Variants in PLEKHH2 observed in about 807,000 individuals in gnomAD.
The protein encoded by PLEKHH2 is pleckstrin homology domain-containing family H member 2.
PLEKHH2 carries 129 observed loss-of-function variants against 187.9 expected under a neutral mutation model. That is an observed-to-expected ratio of 0.69 (90% confidence interval 0.59 to 0.79). The LOEUF is 0.79. Among genes scored for constraint, PLEKHH2 ranks in the 30% least tolerant of loss-of-function variants. The pLI, the probability that PLEKHH2 is intolerant of heterozygous loss-of-function variation, is 0.00. For missense variants in PLEKHH2, 2,076 were observed against 1,751.2 expected, an observed-to-expected ratio of 1.19 and a Z score of -3.31; for synonymous variants, 686 against 605.6, an observed-to-expected ratio of 1.13 and a Z score of -1.95.
intron 19 of PLEKHH2, among the ~76,000 whole-genome samples, chr2:43,735,722 A>AT (rs1671260699): frequency 6.6e-6 from 1 of 152,190 alleles, no homozygotes; most frequent in Non-Finnish European, 1.5e-5. Context: ...TGTCAATAAC[A>AT]TTTTTTAATG....
chr2:43,676,939 A>C (rs1186773125), intron 2 of PLEKHH2, among the ~76,000 whole-genome samples: 1 of 152,174 alleles, frequency 6.6e-6, no homozygotes, highest in Non-Finnish European at 1.5e-5. Context: ...GTCAAATAGG[A>C]CATTTGAAGC....
chr2:43,764,824 CTG>C (rs1440186791), intron 29 of PLEKHH2, among the ~76,000 whole-genome samples: 12 of 152,160 alleles, frequency 7.9e-5, no homozygotes, highest in African/African-American at 2.9e-4. Flanking sequence ...TTTTAACAAA[CTG>C]TGTAGTTTTA....
chr2:43,720,198 G>A (rs1253604453), intron 15 of PLEKHH2, among the ~76,000 whole-genome samples: 1 of 151,906 alleles, frequency 6.6e-6, no homozygotes, highest in African/African-American at 2.4e-5. Context: ...CATAGTGTTT[G>A]ATGCATAGTA....
chr2:43,723,479 A>G (rs1283207485), intron 16 of PLEKHH2, among the ~76,000 whole-genome samples: 2 of 151,988 alleles, frequency 1.3e-5, no homozygotes, highest in Non-Finnish European at 2.9e-5. Context: ...AGAAGTGAGG[A>G]GGAAGATAAG....
intron 2 of PLEKHH2, chr2:43,675,165 ATATTT>A (rs1474865070): frequency 2.4e-6 from 1 of 414,598 alleles, no homozygotes; most frequent in African/African-American, 2.0e-5. Flanking sequence ...TTTTAATAGT[ATATTT>A]TATTTAATGC....
chr2:43,699,930 G>T lies in PLEKHH2; in HGVS notation c.972G>T (p.Met324Ile). 6.2e-7 allele frequency: 1 copy of T among 1,614,170 alleles called. No individual in the cohort carries two copies. The highest frequency in any genetic ancestry group is 8.5e-7 in the Non-Finnish European group (1 of 1,180,012). The change falls in exon 8 of 30, where the codon ATG (methionine) becomes ATT (isoleucine). Residue 324 changes from methionine to isoleucine, a missense_variant. Met to Ile is a conservative substitution (Grantham distance 10). Coordinates refer to ENST00000282406, the MANE Select transcript of PLEKHH2 (RefSeq NM_172069.4). ...AGTGTAGCAGGATGGGAAGTGAAAT[G>T]TATCTGACAGCATCTGATGACAGCA... ...GVQCSRMGSE[M>I]YLTASDDSSS...
At position 43,712,380 on chromosome 2, in the gene PLEKHH2, T is replaced by A. The variant is rs200685317; in HGVS notation, c.2457T>A (p.Thr819=). The A allele has an allele frequency of 4.3e-6, 7 of 1,613,864 alleles. No individual in the cohort carries two copies. Among genetic ancestry groups the A allele is most frequent in the Non-Finnish European group, 5.9e-6 (7 of 1,179,962 alleles). Residue 819 remains threonine (T), a synonymous_variant, in exon 15 of 30, where the codon ACT becomes ACA. Coordinates refer to ENST00000282406, the MANE Select transcript of PLEKHH2 (RefSeq NM_172069.4). ...AACCCACCATGAAGGGATTGCTCACTAAGGTAGGAACCTCCTGTGCATAGC... is the reference window on the plus strand; with the variant it reads ...AACCCACCATGAAGGGATTGCTCACAAAGGTAGGAACCTCCTGTGCATAGC... The part of the protein sequence containing the change: ...EGKPTMKGLL[T]KVKHGYSKRV...
intron 2 of PLEKHH2, among the ~76,000 whole-genome samples, chr2:43,645,670 T>C (rs377714867): frequency 6.6e-6 from 1 of 152,210 alleles, no homozygotes; most frequent in South Asian, 2.1e-4. Context: ...ATTGTGGATA[T>C]TGGGTTAAAT....
At chr2:43,744,011 G>T in intron 23 of PLEKHH2, 22 bp downstream of exon 23, 1 of 1,603,282 alleles carries the variant, frequency 6.2e-7, no homozygotes, top group Non-Finnish European at 8.5e-7. Flanking sequence ...TCCTTTTCAG[G>T]AGCCAAGCCC....
intron 3 of PLEKHH2, among the ~76,000 whole-genome samples, chr2:43,687,306 T>C (rs1177667871): frequency 6.6e-6 from 1 of 152,206 alleles, no homozygotes; most frequent in Non-Finnish European, 1.5e-5. Flanking sequence ...GCATCCATGT[T>C]GCTACAAAGG....
At chr2:43,685,717 C>G (rs1010435738) in intron 3 of PLEKHH2, among the ~76,000 whole-genome samples, 1 of 151,502 alleles carries the variant, frequency 6.6e-6, no homozygotes, top group African/African-American at 2.4e-5. Context: ...GCTGGGATTA[C>G]CGGCATGAGC....
Position 43,758,914 on chromosome 2 carries a change from G to T in PLEKHH2, c.3956G>T (p.Arg1319Leu). 6.4e-7 allele frequency: 1 copy of T among 1,574,438 alleles called. No individual in the cohort carries two copies. The highest frequency in any genetic ancestry group is 8.6e-7 in the Non-Finnish European group (1 of 1,159,188). The change falls in exon 27 of 30, where the codon CGA becomes CTA. Residue 1319 changes from arginine to leucine, a missense_variant. Physicochemically the swap from Arg to Leu is moderately radical, Grantham distance 102 (BLOSUM62 -2). Transcript: ENST00000282406. ...SEEQLRQLCQ[R>L]LSTRWMALRG... is the part of the protein sequence containing the mutation. ...TTTTTTTTTAGGCAGCTTTGCCAGC[G>T]ACTTTCAACCAGATGGATGGCCCTC...
intron 2 of PLEKHH2, among the ~76,000 whole-genome samples, chr2:43,646,764 G>A (rs1666202995): frequency 3.4e-5 from 5 of 149,194 alleles, no homozygotes; most frequent in Non-Finnish European, 5.9e-5. Flanking sequence ...TGATAGGAAT[G>A]TTATTTCGGA....
At position 43,638,583 on chromosome 2, in the gene PLEKHH2, A is replaced by T. The variant is rs114869212; in HGVS notation, c.-4+1204A>T. On this transcript the variant is annotated intron_variant, in intron 1 of 29. Transcript: ENST00000282406. ...TTCCTGTCCCCTGAAGTGAAGATAGATTATTTTCAAATGCAGAATCTAGAC... is the reference window on the plus strand; with the variant it reads ...TTCCTGTCCCCTGAAGTGAAGATAGTTTATTTTCAAATGCAGAATCTAGAC... 8.2e-4 allele frequency among the ~76,000 whole-genome samples: 125 copies of T among 152,298 alleles called. 1 individual carries two copies. The highest frequency in any genetic ancestry group is 2.9e-3 in the African/African-American group (119 of 41,564).
At chr2:43,659,207 G>A (rs1666944530) in intron 2 of PLEKHH2, among the ~76,000 whole-genome samples, 1 of 150,436 alleles carries the variant, frequency 6.6e-6, no homozygotes, top group East Asian at 1.9e-4. Flanking sequence ...TGCCCAGGCT[G>A]GTCTCAAACT....
At chr2:43,734,564 C>G (rs1264702946) in intron 19 of PLEKHH2, among the ~76,000 whole-genome samples, 1 of 152,196 alleles carries the variant, frequency 6.6e-6, no homozygotes, top group African/African-American at 2.4e-5. Flanking sequence ...CATCTCACCC[C>G]AGTTAAAATG....
chr2:43,711,652 G>C (rs1669971018), intron 14 of PLEKHH2: 1 of 823,580 alleles, frequency 1.2e-6, no homozygotes, highest in Non-Finnish European at 1.5e-6. Context: ...AGCACTTCAG[G>C]AGGCTGAGGC....
chr2:43,729,528 G>A (rs61046487), intron 17 of PLEKHH2, 109 bp from the exon 18 acceptor site: 105,629 of 591,426 alleles, frequency 0.18, 10,661 homozygotes, highest in Middle Eastern at 0.21. Context: ...AAAAATTAAA[G>A]CAAGTGGTTC....
chr2:43,758,099 A>C (rs1001651068), intron 26 of PLEKHH2, among the ~76,000 whole-genome samples: 52 of 152,246 alleles, frequency 3.4e-4, no homozygotes, highest in African/African-American at 1.2e-3. Context: ...TCCAAAATAG[A>C]AACATTTAAG....
Sources: allele counts gnomAD v4.1 joint callset (sites outside exome capture counted in the v4.1 genomes callset), GRCh38; gene constraint gnomAD v4.1.1; transcripts MANE v1.5; gene names NCBI Gene and HGNC (gene_info 2026-07-23, HGNC 2026-07-21).